The following SGCD variants were observed in gnomAD, a reference collection of about 807,000 sequenced individuals.
SGCD encodes the protein sarcoglycan delta.
SGCD carries 18 observed loss-of-function variants against 36.6 expected under a neutral mutation model. The observed-to-expected ratio is 0.49, with a 90% confidence interval of 0.34 to 0.73. SGCD has a LOEUF of 0.73. SGCD is among the 30% of genes least tolerant of loss of function. The pLI is 0.01. For synonymous variants in SGCD, 133 were observed against 130.6 expected, an observed-to-expected ratio of 1.02 and a Z score of -0.12; for missense variants, 387 against 346.7, an observed-to-expected ratio of 1.12 and a Z score of -0.92.
At chr5:156,061,919 C>CTTTTTTTT (rs757769130) in intron 1 of SGCD, among the ~76,000 whole-genome samples, 18 of 71,754 alleles carry the variant, frequency 2.5e-4, no homozygotes, top group African/African-American at 3.0e-4. Context: ...GGAGTTTTCA[C>CTTTTTTTT]TTTTTTTTTT....
At chr5:155,959,834 C>A (rs1581012843) in intron 1 of SGCD, among the ~76,000 whole-genome samples, 2 of 151,956 alleles carry the variant, frequency 1.3e-5, no homozygotes, top group East Asian at 1.9e-4. Context: ...AATTTATTTG[C>A]CCACATTTTT....
intron 7 of SGCD, among the ~76,000 whole-genome samples, chr5:156,713,216 T>C (rs964963288): frequency 1.3e-5 from 2 of 152,082 alleles, no homozygotes; most frequent in African/African-American, 4.8e-5. Context: ...TCAGTGAATG[T>C]TTGATAATTT....
chr5:156,325,854 C>T (rs1462273864), upstream of SGCD, among the ~76,000 whole-genome samples: 1 of 152,132 alleles, frequency 6.6e-6, no homozygotes, highest in Non-Finnish European at 1.5e-5. Flanking sequence ...CACACCGCCT[C>T]CCACCCCACT....
At chr5:156,138,143 G>A (rs745551662) in intron 3 of SGCD, among the ~76,000 whole-genome samples, 1 of 152,148 alleles carries the variant, frequency 6.6e-6, no homozygotes, top group Non-Finnish European at 1.5e-5. Context: ...GCTCATGGCT[G>A]TAATCCCAGC....
chr5:156,558,176 T>C (rs1759119496), intron 4 of SGCD, among the ~76,000 whole-genome samples: 1 of 148,982 alleles, frequency 6.7e-6, no homozygotes, highest in African/African-American at 2.5e-5. Context: ...GTGTGGTCTC[T>C]AGACTCCAGG....
chr5:155,902,401 T>C (rs1756410924), intron 1 of SGCD, among the ~76,000 whole-genome samples: 1 of 152,222 alleles, frequency 6.6e-6, no homozygotes, highest in African/African-American at 2.4e-5. Context: ...TATCCATACT[T>C]TAAATAATAG....
intron 1 of SGCD, among the ~76,000 whole-genome samples, chr5:156,098,301 A>G (rs1761429247): frequency 6.6e-6 from 1 of 152,104 alleles, no homozygotes; most frequent in African/African-American, 2.4e-5. Context: ...TCAGTAAAAT[A>G]GTTCTATATA....
intron 1 of SGCD, among the ~76,000 whole-genome samples, chr5:155,946,417 G>C (rs1244530560): frequency 2.0e-5 from 3 of 152,000 alleles, no homozygotes; most frequent in Non-Finnish European, 4.4e-5. Context: ...AGTCTTTTCT[G>C]TTTGTACTAT....
chr5:156,233,084 A>G (rs2127652283), intron 3 of SGCD, among the ~76,000 whole-genome samples: 1 of 152,298 alleles, frequency 6.6e-6, no homozygotes, highest in South Asian at 2.1e-4. Context: ...CACCAGGGAA[A>G]GCTTGCTAAA....
intron 4 of SGCD, among the ~76,000 whole-genome samples, chr5:156,554,684 G>A (rs1758945242): frequency 6.7e-6 from 1 of 150,066 alleles, no homozygotes; most frequent in Non-Finnish European, 1.5e-5. Flanking sequence ...TCAGTACTAT[G>A]GGTGGTTTCA....
In SGCD at chr5:156,508,665, T is replaced by TACA; in HGVS notation, c.260_262dup (p.Gln87dup). 6.2e-7 allele frequency: 1 copy of TACA among 1,611,722 alleles called. No individual in the cohort carries two copies. Among genetic ancestry groups the TACA allele is most frequent in the Non-Finnish European group, 8.5e-7 (1 of 1,178,288 alleles). Reference sequence around the variant, plus strand: ...AAGCTAGAAGGAGACTCTGAATTCTTACAACCTCTCTACGCCAAAGAAATC... The same window carrying TACA: ...AAGCTAGAAGGAGACTCTGAATTCTTACAACAACCTCTCTACGCCAAAGAAATC... On this transcript the variant is annotated inframe_insertion, in exon 4 of 9. Transcript: ENST00000337851.
intron 3 of SGCD, among the ~76,000 whole-genome samples, chr5:156,390,498 C>T (rs915692026): frequency 7.2e-5 from 11 of 152,232 alleles, no homozygotes; most frequent in African/African-American, 2.4e-4. Flanking sequence ...GAGGCCATGG[C>T]GGCGGGTGGA....
At position 156,351,623 on chromosome 5, in the gene SGCD, C is replaced by T. The variant is rs938400299; in HGVS notation, c.192+6946C>T. Among the ~76,000 whole-genome samples, 3 of 151,974 alleles carry T rather than the reference C, an allele frequency of 2.0e-5. No homozygotes were observed. The South Asian group carries it at 6.2e-4, about 32-fold the overall frequency. On this transcript the variant is annotated intron_variant, in intron 3 of 8. Coordinates refer to ENST00000337851, the MANE Select transcript of SGCD (RefSeq NM_000337.6). ...TCGTAGTCATCATCATCATCATCAT[C>T]ATCATCATCATCATCATCATCATTT...
At chr5:156,216,366 T>C (rs1764573973) in intron 3 of SGCD, among the ~76,000 whole-genome samples, 1 of 152,224 alleles carries the variant, frequency 6.6e-6, no homozygotes, top group Non-Finnish European at 1.5e-5. Context: ...CATGTATTAA[T>C]TTGCTCAATT....
chr5:156,223,743 G>A (rs771020435), intron 3 of SGCD, among the ~76,000 whole-genome samples: 6 of 152,166 alleles, frequency 3.9e-5, no homozygotes, highest in Middle Eastern at 3.4e-3. Flanking sequence ...AAATGCAGAG[G>A]GGGGATAGAA....
intron 1 of SGCD, among the ~76,000 whole-genome samples, chr5:155,975,041 T>A (rs1422380255): frequency 6.6e-6 from 1 of 152,174 alleles, no homozygotes. Context: ...TCATGCCTCC[T>A]GGAGAAAACA....
At chr5:156,541,664 G>A (rs1288241991) in intron 4 of SGCD, among the ~76,000 whole-genome samples, 1 of 152,098 alleles carries the variant, frequency 6.6e-6, no homozygotes, top group East Asian at 1.9e-4. Context: ...AAAGGGAAAG[G>A]AGACCTAACA....
chr5:156,644,991 C>A (rs1763175553), intron 6 of SGCD, among the ~76,000 whole-genome samples: 1 of 151,390 alleles, frequency 6.6e-6, no homozygotes, highest in African/African-American at 2.4e-5. Flanking sequence ...CCCTTGAGCT[C>A]ATCTTTATGG....
chr5:156,046,880 T>C lies in SGCD; in HGVS notation c.-281-70998T>C, dbSNP rs147308154. 4.9e-4 allele frequency among the ~76,000 whole-genome samples: 75 copies of C among 152,288 alleles called. No homozygotes were observed. The East Asian group carries it at 8.1e-3, about 16-fold the overall frequency. ...CAAGGAAGGCATGTCTAAAGCCAGATAGACTGAAAGCTTGGGCTCTTGCAT... is the reference window on the plus strand; with the variant it reads ...CAAGGAAGGCATGTCTAAAGCCAGACAGACTGAAAGCTTGGGCTCTTGCAT... On this transcript the variant is annotated intron_variant, in intron 1 of 9. Transcript: ENST00000517913.
Sources: gnomAD v4.1 joint callset for allele counts (sites outside exome capture counted in the v4.1 genomes callset) on GRCh38, gnomAD v4.1.1 for gene constraint, MANE v1.5 for transcripts, NCBI Gene and HGNC (gene_info 2026-07-23, HGNC 2026-07-21) for gene names.